Variants in HEATR4 observed in about 807,000 individuals in gnomAD.
The protein encoded by HEATR4 is HEAT repeat containing 4.
A neutral mutation model predicts 108.8 loss-of-function variants in HEATR4; 95 were observed. That is an observed-to-expected ratio of 0.87 (90% CI 0.74 to 1.04). The LOEUF (loss-of-function observed/expected upper bound fraction) is 1.04, where lower values mean the gene tolerates loss of function less well. HEATR4 is among the 50% of genes least tolerant of loss of function. HEATR4 has a pLI of 0.00. For missense variants in HEATR4, 1,152 were observed against 1,253.8 expected, an observed-to-expected ratio of 0.92 and a Z score of 1.23; for synonymous variants, 443 against 459.4, an observed-to-expected ratio of 0.96 and a Z score of 0.46.
At chr14:73,555,853 A>C (rs1431366268) in intron 1 of HEATR4, among the ~76,000 whole-genome samples, 1 of 112,484 alleles carries the variant, frequency 8.9e-6, no homozygotes, top group African/African-American at 2.9e-5. Flanking sequence ...TAAAAATACA[A>C]AATTAGCCAG....
chr14:73,520,764 C>A, intron 4 of HEATR4, 88 bp downstream of exon 4: 1 of 1,266,500 alleles, frequency 7.9e-7, no homozygotes, highest in Non-Finnish European at 1.1e-6. Context: ...CTTGTCCATA[C>A]CCACAACTGT....
At chr14:73,481,320 T>C (rs569213525) in intron 17 of HEATR4, among the ~76,000 whole-genome samples, 1 of 152,076 alleles carries the variant, frequency 6.6e-6, no homozygotes, top group Admixed American at 6.6e-5. Flanking sequence ...ACGCCTGTAA[T>C]CCCAGCTACT....
At chr14:73,524,255 T>A (rs1464468848) in intron 2 of HEATR4, among the ~76,000 whole-genome samples, 1 of 131,712 alleles carries the variant, frequency 7.6e-6, no homozygotes, top group East Asian at 2.2e-4. Context: ...ATCATGCCAT[T>A]GCACACCAGC....
chr14:73,491,180 A>G, intron 17 of HEATR4: 1 of 1,598,996 alleles, frequency 6.3e-7, no homozygotes, highest in Non-Finnish European at 8.5e-7. Context: ...AGCGCTGAGG[A>G]CGCAGACGCT....
At chr14:73,496,331 G>A (rs527341054) in intron 15 of HEATR4, among the ~76,000 whole-genome samples, 1 of 152,220 alleles carries the variant, frequency 6.6e-6, no homozygotes, top group South Asian at 2.1e-4. Flanking sequence ...AAAATAGGAA[G>A]GGAGGGAAAT....
the HEATR4 span, among the ~76,000 whole-genome samples, chr14:73,585,604 A>G: frequency 6.6e-6 from 1 of 152,022 alleles, no homozygotes; most frequent in Admixed American, 6.6e-5. Flanking sequence ...CATGAGAGTC[A>G]CTTGGAACCC....
intron 5 of HEATR4, 98 bp downstream of exon 5, chr14:73,518,925 A>C (rs565673326): frequency 8.1e-7 from 1 of 1,236,004 alleles, no homozygotes; most frequent in South Asian, 1.6e-5. Context: ...GCTTCAGCCC[A>C]TGAACTGGGA....
At chr14:73,591,885 G>T in the HEATR4 span, 2 of 1,305,436 alleles carry the variant, frequency 1.5e-6, no homozygotes, top group South Asian at 2.4e-5. Flanking sequence ...ACGCCGTCCG[G>T]ACATTCGGCG....
At chr14:73,630,836 C>G in the HEATR4 span, among the ~76,000 whole-genome samples, 1 of 152,114 alleles carries the variant, frequency 6.6e-6, no homozygotes, top group Non-Finnish European at 1.5e-5. Flanking sequence ...GAATGGGACT[C>G]AGAGCAGGGT....
At chr14:73,493,220 G>T in intron 16 of HEATR4, 96 bp from the exon 17 acceptor site, 1 of 980,028 alleles carries the variant, frequency 1.0e-6, no homozygotes. Flanking sequence ...TCAGGCTTCA[G>T]TGTACTGGGT....
chr14:73,492,427 G>A lies in HEATR4; in HGVS notation c.2844+639C>T, dbSNP rs1885832127. On this transcript the variant is annotated intron_variant, in intron 17 of 17. Coordinates refer to ENST00000553558, the MANE Select transcript of HEATR4 (RefSeq NM_001220484.1). This position sits in a 1 kb window ranked among gnomAD's most constrained non-coding sequence, Gnocchi z 4.9. ...TGGGGGCCCAGCATTCAGATTCTAA[G>A]GATCCGCGAAGAACCGCTTTCATGG... 6.2e-7 allele frequency: 1 copy of A among 1,613,604 alleles called. No homozygotes were observed. Among genetic ancestry groups the A allele is most frequent in the Admixed American group, 1.7e-5 (1 of 59,978 alleles).
At chr14:73,578,847 G>A in the HEATR4 span, among the ~76,000 whole-genome samples, 1 of 151,900 alleles carries the variant, frequency 6.6e-6, no homozygotes, top group South Asian at 2.1e-4. Flanking sequence ...AGCACTTTGG[G>A]AGGTTATGGT....
chr14:73,569,223 C>G, the HEATR4 span: 2 of 1,611,798 alleles, frequency 1.2e-6, no homozygotes, highest in Non-Finnish European at 1.7e-6. Flanking sequence ...GCTTAGCCTG[C>G]GACGGCAGCC....
chr14:73,495,061 CAAAAA>C (rs11365617), intron 16 of HEATR4, among the ~76,000 whole-genome samples, 162 bp downstream of exon 16: 2 of 149,522 alleles, frequency 1.3e-5, no homozygotes, highest in South Asian at 4.2e-4. Flanking sequence ...AACAAACAAA[CAAAAA>C]AAAAACACAA....
chr14:73,620,407 T>C, the HEATR4 span, among the ~76,000 whole-genome samples: 3 of 152,224 alleles, frequency 2.0e-5, no homozygotes, highest in Non-Finnish European at 4.4e-5. Context: ...TAAGAAGTGC[T>C]TTCCCAACTC....
chr14:73,607,796 G>A, the HEATR4 span, among the ~76,000 whole-genome samples: 151 of 151,720 alleles, frequency 1.0e-3, no homozygotes, highest in Non-Finnish European at 2.0e-3. Context: ...GCTAATTTTT[G>A]TATTATTAGT....
chr14:73,516,147 CAAA>C (rs149945107), intron 5 of HEATR4, among the ~76,000 whole-genome samples: 1 of 9,158 alleles, frequency 1.1e-4, no homozygotes, highest in Non-Finnish European at 1.5e-4. Flanking sequence ...CAACAGTCAT[CAAA>C]AAAAAAAAAA....
the HEATR4 span, among the ~76,000 whole-genome samples, chr14:73,620,200 C>A: frequency 6.6e-6 from 1 of 152,156 alleles, no homozygotes; most frequent in African/African-American, 2.4e-5. Context: ...CAGGTGTGAG[C>A]AACCACACCC....
the HEATR4 span, chr14:73,573,252 G>A: frequency 3.8e-6 from 5 of 1,330,300 alleles, no homozygotes; most frequent in South Asian, 1.2e-5. Context: ...TGGACGAACA[G>A]GTTTTCATTT....
Sources: allele counts gnomAD v4.1 joint callset (sites outside exome capture counted in the v4.1 genomes callset), GRCh38; gene constraint gnomAD v4.1.1; non-coding constraint Gnocchi (gnomAD v3.1); transcripts MANE v1.5; gene names NCBI Gene and HGNC (gene_info 2026-07-23, HGNC 2026-07-21).